Variants in AP3B1 observed in about 807,000 individuals in gnomAD.
The protein encoded by AP3B1 is adaptor related protein complex 3 subunit beta 1, also known as AP-3 complex subunit beta-1.
AP3B1 carries 61 observed loss-of-function variants against 132.5 expected under a neutral mutation model. That is an observed-to-expected ratio of 0.46 (90% CI 0.37 to 0.57). The LOEUF is 0.57. Among genes scored for constraint, AP3B1 ranks in the 20% least tolerant of loss-of-function variants. AP3B1 has a pLI of 0.00. For synonymous variants in AP3B1, 388 were observed against 438.3 expected (o/e 0.89, Z 1.43); for missense variants, 1,120 against 1,289.4 (o/e 0.87, Z 2.01).
chr5:78,264,969 T>A (rs758614074), intron 2 of AP3B1, among the ~76,000 whole-genome samples: 16 of 152,238 alleles, frequency 1.1e-4, no homozygotes, highest in Admixed American at 2.6e-4. Flanking sequence ...TTCTTTAAAC[T>A]ATGGCTCTTA....
chr5:78,087,738 G>T (rs1228008071), intron 22 of AP3B1: 1 of 971,746 alleles, frequency 1.0e-6, no homozygotes, highest in Non-Finnish European at 1.2e-6. Flanking sequence ...ACTTTGTGAT[G>T]AATGAAAATT....
intron 1 of AP3B1, among the ~76,000 whole-genome samples, chr5:78,279,631 G>A (rs549623958): frequency 5.8e-4 from 88 of 151,736 alleles, no homozygotes; most frequent in African/African-American, 2.0e-3. Context: ...TTCAATGGCC[G>A]GGCACTGTGA....
At chr5:78,181,479 A>C (rs2112413971) in intron 8 of AP3B1, 28 bp downstream of exon 8, 1 of 1,605,868 alleles carries the variant, frequency 6.2e-7, no homozygotes, top group East Asian at 2.2e-5. Context: ...AAACCAGTGA[A>C]TTATTTCTTA....
At chr5:78,186,832 A>C (rs1744625994) in intron 7 of AP3B1, among the ~76,000 whole-genome samples, 2 of 152,180 alleles carry the variant, frequency 1.3e-5, no homozygotes, top group Non-Finnish European at 1.5e-5. Context: ...GATTTTACAC[A>C]ATCTTTCCTT....
At chr5:78,045,697 T>C (rs1255730919) in intron 22 of AP3B1, among the ~76,000 whole-genome samples, 1 of 152,206 alleles carries the variant, frequency 6.6e-6, no homozygotes, top group Non-Finnish European at 1.5e-5. Flanking sequence ...TCTAAGATGC[T>C]CAACATTGCA....
At chr5:78,009,623 G>C (rs918442644) in intron 26 of AP3B1, among the ~76,000 whole-genome samples, 13 of 152,250 alleles carry the variant, frequency 8.5e-5, no homozygotes, top group Admixed American at 2.6e-4. Flanking sequence ...CACAGCACCA[G>C]ACTTTCCTAA....
intron 7 of AP3B1, among the ~76,000 whole-genome samples, chr5:78,196,988 A>T (rs1009248374): frequency 2.6e-5 from 4 of 152,180 alleles, no homozygotes; most frequent in African/African-American, 9.7e-5. Context: ...AGAATGTACA[A>T]CACCAAGGAT....
At chr5:78,162,793 A>G in intron 13 of AP3B1, 26 bp downstream of exon 13, 1 of 1,612,388 alleles carries the variant, frequency 6.2e-7, no homozygotes. Flanking sequence ...AAATCACCTG[A>G]AAATAAAATG....
chr5:78,217,500 AT>A (rs1306961462), intron 6 of AP3B1, among the ~76,000 whole-genome samples: 3 of 152,084 alleles, frequency 2.0e-5, no homozygotes, highest in African/African-American at 7.2e-5. Context: ...CTATATAAAA[AT>A]GTATTATATA....
intron 4 of AP3B1, among the ~76,000 whole-genome samples, chr5:78,227,816 G>T (rs1234744708): frequency 1.3e-5 from 2 of 152,076 alleles, no homozygotes; most frequent in Non-Finnish European, 2.9e-5. Context: ...ATAAAATGCT[G>T]CAGGTCATCA....
At chr5:78,243,829 G>A (rs959871731) in intron 2 of AP3B1, among the ~76,000 whole-genome samples, 7 of 152,180 alleles carry the variant, frequency 4.6e-5, no homozygotes, top group Admixed American at 6.5e-5. Flanking sequence ...GGTCAGAAAT[G>A]TATAAACCAC....
intron 22 of AP3B1, among the ~76,000 whole-genome samples, chr5:78,045,549 G>T (rs983984581): frequency 6.6e-6 from 1 of 151,372 alleles, no homozygotes; most frequent in Non-Finnish European, 1.5e-5. Context: ...TAAATACTTC[G>T]ACTACTTCCA....
At chr5:78,012,162 A>G (rs1746649806) in intron 26 of AP3B1, among the ~76,000 whole-genome samples, 1 of 151,920 alleles carries the variant, frequency 6.6e-6, no homozygotes, top group South Asian at 2.1e-4. Flanking sequence ...TTAGCAATTA[A>G]ATAATATATA....
At chr5:78,070,007 C>A (rs1185768355) in intron 22 of AP3B1, among the ~76,000 whole-genome samples, 1 of 152,102 alleles carries the variant, frequency 6.6e-6, no homozygotes, top group Non-Finnish European at 1.5e-5. Context: ...GGGAAAGATT[C>A]CCTATTTAAT....
intron 22 of AP3B1, among the ~76,000 whole-genome samples, chr5:78,064,026 G>A (rs766333734): frequency 2.7e-5 from 4 of 150,762 alleles, no homozygotes; most frequent in Non-Finnish European, 5.9e-5. Context: ...AGGGGGGGTC[G>A]GGCAGGAAGA....
chr5:78,101,266 A>G (rs1157943712), intron 20 of AP3B1: 2 of 475,850 alleles, frequency 4.2e-6, no homozygotes, highest in Non-Finnish European at 7.7e-6. Context: ...AAATGTCAGA[A>G]CAAAATTTAA....
At chr5:78,220,680 C>T (rs984204964) in intron 6 of AP3B1, among the ~76,000 whole-genome samples, 1 of 147,254 alleles carries the variant, frequency 6.8e-6, no homozygotes, top group East Asian at 2.0e-4. Flanking sequence ...GAAAGTTTCA[C>T]GGAGAAAATT....
At chr5:78,225,456 AC>A (rs1746363727) in intron 6 of AP3B1, 85 bp downstream of exon 6, 1 of 749,322 alleles carries the variant, frequency 1.3e-6, no homozygotes, top group Admixed American at 2.9e-5. Flanking sequence ...ATCAATAAAT[AC>A]AACTATATAA....
intron 7 of AP3B1, among the ~76,000 whole-genome samples, chr5:78,202,141 GCT>G (rs1373259950): frequency 6.6e-6 from 1 of 152,108 alleles, no homozygotes; most frequent in African/African-American, 2.4e-5. Context: ...CCCTGCACAA[GCT>G]CTCTCTTCTC....
Sources: allele counts gnomAD v4.1 joint callset (sites outside exome capture counted in the v4.1 genomes callset), GRCh38; gene constraint gnomAD v4.1.1; transcripts MANE v1.5; gene names NCBI Gene and HGNC (gene_info 2026-07-23, HGNC 2026-07-21).